Variants in CHRM5 observed in about 807,000 individuals in gnomAD.
CHRM5 encodes the protein muscarinic acetylcholine receptor M5.
CHRM5 carries 18 observed loss-of-function variants against 39.0 expected under a neutral mutation model. The observed-to-expected ratio is 0.46, with a 90% CI of 0.32 to 0.68. The LOEUF (loss-of-function observed/expected upper bound fraction) is 0.68, where lower values mean the gene tolerates loss of function less well. Ranked by LOEUF, CHRM5 falls within the 30% of genes least tolerant of loss-of-function variation. The pLI is 0.04. For missense variants in CHRM5, 515 were observed against 651.1 expected, an observed-to-expected ratio of 0.79 and a Z score of 2.28; for synonymous variants, 241 against 246.3, an observed-to-expected ratio of 0.98 and a Z score of 0.20.
Position 34,060,389 on chromosome 15 carries a change from A to T in CHRM5, c.-75-2254A>T, listed in dbSNP as rs553551460. Among the ~76,000 whole-genome samples, 324 of 152,256 alleles carry T rather than the reference A, an allele frequency of 2.1e-3. 4 individuals carry two copies. In the South Asian group the frequency reaches 0.026, roughly 12 times the overall value. ...ATATCATCAACTCGATTCCATATTG[A>T]ATTTGAGGTGTTATGAAAACACCCA... is the stretch of plus-strand genomic sequence containing the variant. On this transcript the variant is annotated intron_variant, in intron 2 of 2. Coordinates refer to ENST00000383263, the MANE Select transcript of CHRM5 (RefSeq NM_012125.4).
At chr15:34,004,369 C>G (rs1477039569) in intron 1 of CHRM5, among the ~76,000 whole-genome samples, 1 of 151,874 alleles carries the variant, frequency 6.6e-6, no homozygotes, top group Admixed American at 6.6e-5. Context: ...AATAAATAAA[C>G]TGAAAGAGAA....
At chr15:33,988,879 C>A (rs6495434) in intron 1 of CHRM5, among the ~76,000 whole-genome samples, 33,470 of 152,190 alleles carry the variant, frequency 0.22, 4,183 homozygotes, top group Middle Eastern at 0.41. Flanking sequence ...GATTTCCCAA[C>A]TATCCCTTGG....
intron 1 of CHRM5, among the ~76,000 whole-genome samples, chr15:34,042,340 G>A (rs1257942539): frequency 5.3e-5 from 8 of 151,210 alleles, no homozygotes; most frequent in Admixed American, 5.3e-4. Flanking sequence ...TATATAGGTA[G>A]CTCCTTAGAA....
intron 1 of CHRM5, among the ~76,000 whole-genome samples, chr15:33,978,348 G>C (rs1895981433): frequency 6.6e-6 from 1 of 152,088 alleles, no homozygotes; most frequent in Non-Finnish European, 1.5e-5. Flanking sequence ...TTAATAATTG[G>C]AAATAAAACA....
intron 1 of CHRM5, among the ~76,000 whole-genome samples, chr15:33,990,387 AAAAAG>A (rs1319709624): frequency 2.0e-5 from 3 of 152,142 alleles, no homozygotes; most frequent in Admixed American, 6.5e-5. Flanking sequence ...GTCTGAAAAA[AAAAAG>A]AAAAGAAAAG....
intron 1 of CHRM5, among the ~76,000 whole-genome samples, chr15:33,971,190 T>C (rs1047395227): frequency 1.3e-5 from 2 of 152,214 alleles, no homozygotes; most frequent in African/African-American, 4.8e-5. Context: ...CTGTTATTGA[T>C]AGATTTAACA....
At chr15:34,047,240 G>A (rs1017102537) in intron 2 of CHRM5, among the ~76,000 whole-genome samples, 6 of 151,940 alleles carry the variant, frequency 3.9e-5, no homozygotes, top group African/African-American at 1.2e-4. Context: ...ACCATGCCCT[G>A]CTAACTTTTT....
chr15:34,023,723 G>A (rs1898312785), intron 1 of CHRM5, among the ~76,000 whole-genome samples: 2 of 152,150 alleles, frequency 1.3e-5, no homozygotes, highest in Non-Finnish European at 2.9e-5. Flanking sequence ...TAAAAGGCCA[G>A]GTGAGCAGTT....
intron 1 of CHRM5, among the ~76,000 whole-genome samples, chr15:34,018,620 C>T (rs770414897): frequency 1.3e-5 from 2 of 152,154 alleles, no homozygotes; most frequent in African/African-American, 4.8e-5. Context: ...TGTGCAGCAG[C>T]AAGACTTATT....
rs1315159074 is a variant in CHRM5 at position 33,986,904 on chromosome 15, A to C, written c.-408+17754A>C. The stretch of plus-strand genomic sequence containing the variant: ...GATCTCCTGACCTCGTGATCCGCCC[A>C]CCTCGGCCTCCCAAAGTGCTGGGAT... On this transcript the variant is annotated intron_variant, in intron 1 of 2. Transcript: ENST00000383263. Among the ~76,000 whole-genome samples the C allele has an allele frequency of 3.9e-5, 6 of 151,994 alleles. No individual in the cohort carries two copies. In the South Asian group the frequency reaches 1.0e-3, roughly 26 times the overall value.
intron 1 of CHRM5, among the ~76,000 whole-genome samples, chr15:34,005,425 T>G (rs1822331766): frequency 6.8e-6 from 1 of 147,042 alleles, no homozygotes; most frequent in South Asian, 2.1e-4. Context: ...CATGGTATTA[T>G]TTACAGATTT....
intron 1 of CHRM5, among the ~76,000 whole-genome samples, chr15:34,015,989 G>T (rs1897887035): frequency 6.6e-6 from 1 of 152,070 alleles, no homozygotes; most frequent in Non-Finnish European, 1.5e-5. Flanking sequence ...CATAAAACTG[G>T]AAAGCGGCTG....
At chr15:33,976,471 A>AACAG (rs1555512143) in intron 1 of CHRM5, among the ~76,000 whole-genome samples, 1 of 9,096 alleles carries the variant, frequency 1.1e-4, no homozygotes, top group Non-Finnish European at 6.8e-3. Context: ...ACACAGCTTT[A>AACAG]ATATAAATTT....
rs1246209806 is a variant in CHRM5, at chr15:34,038,881, C to T, written c.-407-7659C>T. 1.7e-5 allele frequency: 19 copies of T among 1,141,502 alleles called. No homozygotes were observed. The highest frequency in any genetic ancestry group is 1.9e-5 in the Non-Finnish European group (18 of 934,472). 70.7% of individuals were successfully genotyped at this position (1,141,502 alleles called of 1,614,324 possible). ...CCGCGAGCGCCGCGGAAGCCCCGGC[C>T]ACGGCCACGGCCCCGGCGTCCGCCT... On this transcript the variant is annotated intron_variant, in intron 1 of 2. Transcript: ENST00000383263.
At chr15:34,012,742 A>G (rs1897688324) in intron 1 of CHRM5, among the ~76,000 whole-genome samples, 1 of 152,170 alleles carries the variant, frequency 6.6e-6, no homozygotes, top group South Asian at 2.1e-4. Flanking sequence ...TCGCCAGAGG[A>G]AGAGAACTTT....
chr15:34,017,497 T>TTTTTTTTTTTTTTTTTTTG, intron 1 of CHRM5, among the ~76,000 whole-genome samples: 1 of 133,362 alleles, frequency 7.5e-6, no homozygotes, highest in Non-Finnish European at 1.7e-5. Flanking sequence ...TTTTTTTTTT[T>TTTTTTTTTTTTTTTTTTTG]TTTGAGACAG....
At chr15:34,056,653 C>T (rs1900163076) in intron 2 of CHRM5, among the ~76,000 whole-genome samples, 2 of 152,212 alleles carry the variant, frequency 1.3e-5, no homozygotes, top group East Asian at 1.9e-4. Context: ...GTGTTAGCCT[C>T]GGCTCTCCTC....
intron 2 of CHRM5, among the ~76,000 whole-genome samples, chr15:34,047,913 T>C (rs1241037880): frequency 6.6e-6 from 1 of 151,952 alleles, no homozygotes; most frequent in East Asian, 1.9e-4. Flanking sequence ...CCACACCAGA[T>C]CCCAGAAATA....
chr15:33,969,589 A>C (rs570071835), intron 1 of CHRM5, among the ~76,000 whole-genome samples: 6 of 152,078 alleles, frequency 3.9e-5, no homozygotes, highest in Non-Finnish European at 8.8e-5. Context: ...ACAAAAGCTC[A>C]ATGACTGATT....
Sources: gnomAD v4.1 joint callset for allele counts (sites outside exome capture counted in the v4.1 genomes callset) on GRCh38, gnomAD v4.1.1 for gene constraint, MANE v1.5 for transcripts, NCBI Gene and HGNC (gene_info 2026-07-23, HGNC 2026-07-21) for gene names.